The following CCDC138 variants were observed in gnomAD, a reference collection of about 807,000 sequenced individuals.
The protein encoded by CCDC138 is coiled-coil domain-containing protein 138.
In CCDC138, 66 loss-of-function variants were observed where a neutral mutation model predicts 82.3. The ratio of observed to expected loss-of-function variants is 0.80; its 90% confidence interval spans 0.66 to 0.98. The LOEUF is 0.98. CCDC138 is among the 50% of genes least tolerant of loss of function. CCDC138 has a pLI of 0.00. For missense variants in CCDC138, 816 were observed against 758.9 expected (o/e 1.08, Z -0.88); for synonymous variants, 297 against 265.4 (o/e 1.12, Z -1.16).
At position 108,825,357 on chromosome 2, in the gene CCDC138, G is replaced by GT. The variant is rs573966788; in HGVS notation, c.1206+9261dup. Among the ~76,000 whole-genome samples the GT allele has an allele frequency of 3.3e-3, 499 of 150,518 alleles. 4 individuals carry two copies. The highest frequency in any genetic ancestry group is 2.9e-3 in the Non-Finnish European group (199 of 67,556). ...TAGCATTTTAACTGTGCAATTCAGT[G>GT]TTTTTTTTTCTTTATTCACAGAGTT... is the stretch of plus-strand genomic sequence containing the variant. On this transcript the variant is annotated intron_variant, in intron 10 of 14. Transcript: ENST00000295124.
At chr2:108,791,889 C>A in intron 4 of CCDC138, 87 bp downstream of exon 4, 1 of 1,301,276 alleles carries the variant, frequency 7.7e-7, no homozygotes, top group Non-Finnish European at 1.0e-6. Flanking sequence ...ATAACACTGG[C>A]CCCCAAGAGT....
chr2:108,871,541 G>A (rs1354755130), intron 13 of CCDC138, among the ~76,000 whole-genome samples: 1 of 151,960 alleles, frequency 6.6e-6, no homozygotes, highest in Non-Finnish European at 1.5e-5. Flanking sequence ...AACAAAGCAA[G>A]ACTTTAGCTC....
At chr2:108,868,736 T>G (rs1292823411) in intron 13 of CCDC138, among the ~76,000 whole-genome samples, 3 of 152,178 alleles carry the variant, frequency 2.0e-5, no homozygotes, top group African/African-American at 7.2e-5. Flanking sequence ...TGCTTTGTTA[T>G]GTAGAGCCTT....
intron 10 of CCDC138, among the ~76,000 whole-genome samples, chr2:108,833,828 C>T (rs1353981481): frequency 1.4e-5 from 2 of 147,850 alleles, no homozygotes; most frequent in South Asian, 2.2e-4. Flanking sequence ...CCAAGGTTCA[C>T]GCCATTCTCC....
intron 2 of CCDC138, among the ~76,000 whole-genome samples, chr2:108,788,579 G>GT (rs1471342490): frequency 6.6e-6 from 1 of 151,876 alleles, no homozygotes; most frequent in Non-Finnish European, 1.5e-5. Context: ...AATTAGCCGG[G>GT]TGTGGTGGCG....
chr2:108,846,165 G>A (rs1467492686), intron 11 of CCDC138, among the ~76,000 whole-genome samples: 2 of 152,168 alleles, frequency 1.3e-5, no homozygotes, highest in African/African-American at 4.8e-5. Context: ...GGAGCAATCA[G>A]CAACTGAGAG....
chr2:108,814,356 T>C (rs1420826688), intron 9 of CCDC138, among the ~76,000 whole-genome samples: 2 of 152,274 alleles, frequency 1.3e-5, no homozygotes, highest in East Asian at 1.9e-4. Context: ...CATTTTGATA[T>C]TTTGATAAAT....
chr2:108,793,640 A>C (rs1680327074), intron 4 of CCDC138, among the ~76,000 whole-genome samples: 1 of 150,930 alleles, frequency 6.6e-6, no homozygotes, highest in Non-Finnish European at 1.5e-5. Context: ...TCTGTCGCCC[A>C]GGCTGGAGTG....
intron 9 of CCDC138, among the ~76,000 whole-genome samples, chr2:108,814,958 T>A (rs1047867449): frequency 4.6e-5 from 7 of 152,066 alleles, no homozygotes; most frequent in Non-Finnish European, 7.4e-5. Context: ...AAAAAATAAA[T>A]TTAACATAGT....
intron 3 of CCDC138, among the ~76,000 whole-genome samples, chr2:108,789,518 C>T (rs562316574): frequency 2.7e-4 from 41 of 152,254 alleles, no homozygotes; most frequent in Non-Finnish European, 4.1e-4. Flanking sequence ...CACTTGAACC[C>T]GGGAGGTGGA....
At chr2:108,821,900 C>T (rs999560517) in intron 10 of CCDC138, among the ~76,000 whole-genome samples, 1 of 136,998 alleles carries the variant, frequency 7.3e-6, no homozygotes. Flanking sequence ...TGCGCTCCAG[C>T]ATGGGCAACA....
chr2:108,798,682 C>T (rs980893109), intron 6 of CCDC138, 96 bp downstream of exon 6: 109 of 854,032 alleles, frequency 1.3e-4, no homozygotes, highest in Middle Eastern at 1.1e-3. Context: ...CTTATTTCTC[C>T]TTCCCTTCCT....
chr2:108,865,143 T>C (rs1467027009), intron 13 of CCDC138, among the ~76,000 whole-genome samples: 2 of 152,008 alleles, frequency 1.3e-5, no homozygotes, highest in Non-Finnish European at 2.9e-5. Flanking sequence ...TTATATATAT[T>C]TTATATAGAT....
intron 11 of CCDC138, 45 bp downstream of exon 11, chr2:108,839,346 A>G (rs377241744): frequency 3.4e-5 from 50 of 1,455,432 alleles, no homozygotes; most frequent in African/African-American, 2.8e-4. Flanking sequence ...ACTCCACCTA[A>G]TATTACTTCT....
At chr2:108,792,916 T>G (rs759006393) in intron 4 of CCDC138, among the ~76,000 whole-genome samples, 3 of 135,164 alleles carry the variant, frequency 2.2e-5, no homozygotes, top group Non-Finnish European at 3.2e-5. Flanking sequence ...TACAAAAAAT[T>G]AGCCAGGCAT....
Position 108,799,300 on chromosome 2 carries a change from T to C in CCDC138, c.735+714T>C, listed in dbSNP as rs150238766. Among the ~76,000 whole-genome samples the C allele has an allele frequency of 1.9e-3, 286 of 152,302 alleles. 3 individuals are homozygous for C. The highest frequency in any genetic ancestry group is 6.7e-3 in the African/African-American group (277 of 41,558). On this transcript the variant is annotated intron_variant, in intron 6 of 14. Transcript: ENST00000295124. ...ATATACCTTGCTTCATATTAAGATA[T>C]ATTTTACTGTACATATAACTTACTT...
At chr2:108,841,728 T>C (rs1480406167) in intron 11 of CCDC138, among the ~76,000 whole-genome samples, 1 of 152,220 alleles carries the variant, frequency 6.6e-6, no homozygotes, top group Non-Finnish European at 1.5e-5. Context: ...GCCATTTACA[T>C]GTAATGTACT....
intron 9 of CCDC138, among the ~76,000 whole-genome samples, chr2:108,813,204 G>GCACCA (rs981425314): frequency 1.7e-5 from 2 of 116,604 alleles, no homozygotes; most frequent in African/African-American, 6.4e-5. Context: ...AGCCGAGATT[G>GCACCA]CACCACTGCA....
chr2:108,857,269 G>A (rs543496953), intron 13 of CCDC138, among the ~76,000 whole-genome samples: 2 of 151,852 alleles, frequency 1.3e-5, no homozygotes, highest in South Asian at 4.2e-4. Flanking sequence ...GGTAGAGACG[G>A]GGTTTCACCA....
Sources: allele counts gnomAD v4.1 joint callset (sites outside exome capture counted in the v4.1 genomes callset), GRCh38; gene constraint gnomAD v4.1.1; transcripts MANE v1.5; gene names NCBI Gene and HGNC (gene_info 2026-07-23, HGNC 2026-07-21).